The following NRXN3 variants were observed in gnomAD, a reference collection of about 807,000 sequenced individuals.
NRXN3 encodes neurexin III.
NRXN3 carries 32 observed loss-of-function variants against 137.6 expected under a neutral mutation model. The observed-to-expected ratio is 0.23, with a 90% confidence interval of 0.18 to 0.31. The LOEUF (loss-of-function observed/expected upper bound fraction) is 0.31. Ranked by LOEUF, NRXN3 falls within the 10% of genes least tolerant of loss-of-function variation. The pLI, the probability that NRXN3 is intolerant of heterozygous loss-of-function variation, is 1.00. For missense variants in NRXN3, 1,574 were observed against 2,062.5 expected (o/e 0.76, Z 4.59); for synonymous variants, 798 against 784.5 (o/e 1.02, Z -0.29).
chr14:78,542,992 C>T (rs914267779), intron 4 of NRXN3, among the ~76,000 whole-genome samples: 1 of 152,052 alleles, frequency 6.6e-6, no homozygotes, highest in Non-Finnish European at 1.5e-5. Flanking sequence ...CAGAACTAAA[C>T]TTAGGGCTTG....
chr14:78,618,342 A>G (rs2097366782), intron 4 of NRXN3, among the ~76,000 whole-genome samples: 1 of 151,426 alleles, frequency 6.6e-6, no homozygotes, highest in African/African-American at 2.4e-5. Flanking sequence ...TAAGGTATGT[A>G]TTTGATGAAG....
At chr14:79,092,660 T>A (rs1400829037) in intron 15 of NRXN3, among the ~76,000 whole-genome samples, 1 of 152,220 alleles carries the variant, frequency 6.6e-6, no homozygotes, top group Non-Finnish European at 1.5e-5. Context: ...TCTCAATACA[T>A]GCTTCTAGAT....
At chr14:79,854,499 G>T (rs190576790) in intron 20 of NRXN3, among the ~76,000 whole-genome samples, 20 of 152,192 alleles carry the variant, frequency 1.3e-4, no homozygotes, top group Non-Finnish European at 2.2e-4. Flanking sequence ...TATGTTTTGT[G>T]CTGAATTGCT....
intron 15 of NRXN3, among the ~76,000 whole-genome samples, chr14:79,209,239 GAA>G (rs1390306182): frequency 1.3e-5 from 2 of 151,844 alleles, no homozygotes; most frequent in Non-Finnish European, 2.9e-5. Flanking sequence ...CGCCCGGTGT[GAA>G]AAGTTTTTAA....
chr14:79,459,812 A>G (rs2153601203), intron 15 of NRXN3, among the ~76,000 whole-genome samples: 1 of 152,172 alleles, frequency 6.6e-6, no homozygotes, highest in African/African-American at 2.4e-5. Flanking sequence ...GAAAGAAATA[A>G]TTGTCCCAAA....
intron 15 of NRXN3, among the ~76,000 whole-genome samples, chr14:79,382,174 T>A (rs547382347): frequency 6.6e-6 from 1 of 152,278 alleles, no homozygotes; most frequent in African/African-American, 2.4e-5. Context: ...AGGACATCCC[T>A]GGCATATAGC....
chr14:79,606,169 C>T (rs1224882780), intron 16 of NRXN3, among the ~76,000 whole-genome samples: 1 of 152,186 alleles, frequency 6.6e-6, no homozygotes, highest in African/African-American at 2.4e-5. Flanking sequence ...ATGAAATGTG[C>T]AGCCGGTCCA....
chr14:79,177,342 G>A (rs1216023742), intron 15 of NRXN3, among the ~76,000 whole-genome samples: 1 of 152,104 alleles, frequency 6.6e-6, no homozygotes, highest in African/African-American at 2.4e-5. Flanking sequence ...CCGACTTCAA[G>A]TTTTTCAGAA....
At chr14:79,806,956 A>ATTTTTT (rs2099208929) in intron 20 of NRXN3, among the ~76,000 whole-genome samples, 1 of 64,062 alleles carries the variant, frequency 1.6e-5, no homozygotes, top group Non-Finnish European at 2.8e-5. Flanking sequence ...ATATATATAT[A>ATTTTTT]TATATATTTT....
intron 20 of NRXN3, among the ~76,000 whole-genome samples, chr14:79,825,121 C>T (rs2099290339): frequency 6.6e-6 from 1 of 151,812 alleles, no homozygotes; most frequent in Non-Finnish European, 1.5e-5. Flanking sequence ...ATTTGTTTAC[C>T]AGGCTGTTTT....
intron 4 of NRXN3, among the ~76,000 whole-genome samples, chr14:78,477,625 C>G (rs1397064368): frequency 2.6e-5 from 4 of 152,138 alleles, no homozygotes; most frequent in Non-Finnish European, 5.9e-5. Flanking sequence ...CTTTAAAATG[C>G]AAATGCTACC....
chr14:79,828,828 C>G (rs958611228), intron 20 of NRXN3, among the ~76,000 whole-genome samples: 4 of 151,894 alleles, frequency 2.6e-5, no homozygotes, highest in African/African-American at 9.7e-5. Flanking sequence ...AGACTCAAGA[C>G]AGCATACAAA....
intron 15 of NRXN3, among the ~76,000 whole-genome samples, chr14:79,270,384 G>A (rs2079121561): frequency 1.3e-5 from 2 of 152,148 alleles, no homozygotes; most frequent in African/African-American, 2.4e-5. Context: ...TATCCATTAA[G>A]TGTCTCCTAT....
intron 4 of NRXN3, among the ~76,000 whole-genome samples, chr14:78,301,745 A>G (rs2076895117): frequency 6.6e-6 from 1 of 152,160 alleles, no homozygotes; most frequent in Non-Finnish European, 1.5e-5. Context: ...ACATGGATTC[A>G]GTGACACGTC....
chr14:78,175,619 T>C (rs2059186268), intron 1 of NRXN3, among the ~76,000 whole-genome samples: 1 of 152,152 alleles, frequency 6.6e-6, no homozygotes. Context: ...CCAGCTCTGT[T>C]GCTCTGAGGA....
intron 4 of NRXN3, among the ~76,000 whole-genome samples, chr14:78,315,135 C>T (rs2078550377): frequency 1.3e-5 from 2 of 151,840 alleles, no homozygotes; most frequent in South Asian, 4.2e-4. Context: ...CCTCAGCCTC[C>T]TGAGTACCTG....
At chr14:79,376,261 T>C (rs1166719755) in intron 15 of NRXN3, among the ~76,000 whole-genome samples, 541 of 53,648 alleles carry the variant, frequency 0.01, 10 homozygotes, top group African/African-American at 0.015. Context: ...TATATATATA[T>C]ATATACACAT....
chr14:79,454,673 ATAT>A (rs1477433749), intron 15 of NRXN3, among the ~76,000 whole-genome samples: 1 of 152,206 alleles, frequency 6.6e-6, no homozygotes, highest in Non-Finnish European at 1.5e-5. Flanking sequence ...GGCAAAGGCT[ATAT>A]AATTTTGCCA....
At chr14:78,750,947 A>G (rs907589874) in intron 8 of NRXN3, among the ~76,000 whole-genome samples, 2 of 152,170 alleles carry the variant, frequency 1.3e-5, no homozygotes, top group African/African-American at 4.8e-5. Context: ...ATTTCACAAT[A>G]TTGAAAATAT....
Sources: gnomAD v4.1 joint callset for allele counts (sites outside exome capture counted in the v4.1 genomes callset) on GRCh38, gnomAD v4.1.1 for gene constraint, MANE v1.5 for transcripts, NCBI Gene and HGNC (gene_info 2026-07-23, HGNC 2026-07-21) for gene names.